ZFAND5: variants seen among roughly 807,000 people sequenced by gnomAD.
ZFAND5 encodes AN1-type zinc finger protein 5.
A neutral mutation model predicts 23.6 loss-of-function variants in ZFAND5; 4 were observed. The ratio of observed to expected loss-of-function variants is 0.17; its 90% confidence interval spans 0.08 to 0.39. The LOEUF is 0.39. Among genes scored for constraint, ZFAND5 ranks in the 10% least tolerant of loss-of-function variants. The probability of loss-of-function intolerance (pLI) is 1.00; values close to 1 mark genes in which losing one functional copy is unlikely to be tolerated. For missense variants in ZFAND5, 161 were observed against 253.7 expected, an observed-to-expected ratio of 0.63 and a Z score of 2.48; for synonymous variants, 68 against 80.6, an observed-to-expected ratio of 0.84 and a Z score of 0.84.
Position 72,356,945 on chromosome 9 carries a change from T to G in ZFAND5, c.479A>C (p.Lys160Thr). The part of the protein sequence containing the change: ...KKNRCFMCRK[K>T]VGLTGFDCRC... ...TTTTGTAATACCTGTAAGACCAACT[T>G]TCTTTCTGCACATGAAACATCTGTT... Residue 160 changes from lysine (K) to threonine (T), a missense_variant, in exon 6 of 7, where the codon AAA (lysine) becomes ACA (threonine). By Grantham distance (78) the Lys-to-Thr change is moderately conservative. Transcript: ENST00000376962. The G allele has an allele frequency of 6.2e-7, 1 of 1,612,592 alleles. No homozygotes were observed. Among genetic ancestry groups the G allele is most frequent in the Non-Finnish European group, 8.5e-7 (1 of 1,179,702 alleles).
At chr9:72,359,340 GA>G in intron 5 of ZFAND5, 77 bp downstream of exon 5, 1 of 1,420,144 alleles carries the variant, frequency 7.0e-7, no homozygotes, top group Non-Finnish European at 9.7e-7. Flanking sequence ...CCTTCAATGG[GA>G]AGGAAAGAAT....
chr9:72,360,869 G>A, intron 2 of ZFAND5, 82 bp from the exon 3 acceptor site: 1 of 1,271,854 alleles, frequency 7.9e-7, no homozygotes, highest in Non-Finnish European at 1.0e-6. Context: ...CGTTGTAATT[G>A]CTACGCAAGT....
chr9:72,362,173 T>C (rs1842124164), intron 2 of ZFAND5, among the ~76,000 whole-genome samples: 1 of 152,240 alleles, frequency 6.6e-6, no homozygotes, highest in African/African-American at 2.4e-5. Context: ...TTAATTTAGT[T>C]GACACTGTCT....
At chr9:72,363,961 A>C (rs75338919) in intron 1 of ZFAND5, 3,413 of 152,424 alleles carry the variant, frequency 0.022, 118 homozygotes, top group African/African-American at 0.077. Flanking sequence ...GCGAGCAAAA[A>C]ATTTCACATT....
Position 72,360,210 on chromosome 9 carries a change from C to G in ZFAND5, c.163G>C (p.Gly55Arg), listed in dbSNP as rs376006282. The G allele has an allele frequency of 1.2e-6, 2 of 1,610,422 alleles. No homozygotes were observed. Among genetic ancestry groups the G allele is most frequent in the East Asian group, 2.2e-5 (1 of 44,858 alleles). Reference protein sequence around the residue: ...GRMSPMGTASGSNSPTSDSAS... With the variant: ...GRMSPMGTASRSNSPTSDSAS... ...GAATCTGAGGTAGGACTGTTGGAAC[C>G]ACTAGCTGTTCCTATTTAAAAAAAG... The change falls in exon 4 of 7, where the codon GGT becomes CGT. Residue 55 changes from glycine (G) to arginine (R), a missense_variant. Transcript: ENST00000376962.
intron 4 of ZFAND5, 143 bp downstream of exon 4, chr9:72,359,967 A>G: frequency 3.2e-6 from 2 of 627,400 alleles, no homozygotes; most frequent in Non-Finnish European, 5.5e-6. Flanking sequence ...TCTTTACTCA[A>G]TGACTTAAGA....
intron 1 of ZFAND5, 102 bp downstream of exon 1, chr9:72,364,594 C>T (rs1311050141): frequency 1.6e-6 from 2 of 1,237,068 alleles, no homozygotes; most frequent in Non-Finnish European, 2.1e-6. Flanking sequence ...CCGCGGCCTG[C>T]TCCGGCTTCG....
intron 5 of ZFAND5, 93 bp downstream of exon 5, chr9:72,359,325 T>C (rs975779522): frequency 8.0e-7 from 1 of 1,250,116 alleles, no homozygotes; most frequent in South Asian, 1.4e-5. Flanking sequence ...TCCCTCCTCT[T>C]TGGTCCTTCA....
At chr9:72,363,098 T>C (rs917974283) in intron 2 of ZFAND5, among the ~76,000 whole-genome samples, 1 of 152,146 alleles carries the variant, frequency 6.6e-6, no homozygotes, top group African/African-American at 2.4e-5. Flanking sequence ...AGGTTGTTGA[T>C]AAAAAACTAA....
intron 5 of ZFAND5, 119 bp downstream of exon 5, chr9:72,359,299 C>G (rs1195710959): frequency 2.3e-6 from 2 of 873,880 alleles, no homozygotes; most frequent in South Asian, 3.5e-5. Context: ...TTTGCTTGGC[C>G]TATATTTTAT....
chr9:72,364,797 G>T lies in ZFAND5; in HGVS notation c.-248C>A. The T allele has an allele frequency of 4.6e-6, 1 of 217,480 alleles. No individual in the cohort carries two copies. Among genetic ancestry groups the T allele is most frequent in the South Asian group, 9.8e-5 (1 of 10,204 alleles). The allele number at this position is 217,480 out of a possible 1,614,324, so 13.5% of individuals were successfully genotyped here. ...AGGCTGAGCCGGGCGCCCTGGTGCCGCCGCCGCGGGCCGGGAGCGGGTCGG... is the reference window on the plus strand; with the variant it reads ...AGGCTGAGCCGGGCGCCCTGGTGCCTCCGCCGCGGGCCGGGAGCGGGTCGG... On this transcript the variant is annotated 5_prime_UTR_variant, in exon 1 of 7. Coordinates refer to ENST00000376962, the MANE Select transcript of ZFAND5 (RefSeq NM_001102420.3).
chr9:72,359,654 TA>T (rs917003668), intron 4 of ZFAND5, 133 bp from the exon 5 acceptor site: 464 of 823,806 alleles, frequency 5.6e-4, no homozygotes, highest in Middle Eastern at 1.1e-3. Flanking sequence ...ATCTAAAGTT[TA>T]AAAAAAAATT....
At chr9:72,364,513 G>C in intron 1 of ZFAND5, 183 bp downstream of exon 1, 2 of 1,280,398 alleles carry the variant, frequency 1.6e-6, no homozygotes, top group Non-Finnish European at 2.0e-6. Context: ...GGGCCACGAC[G>C]ACAGGATGAC....
Position 72,357,051 on chromosome 9 carries a change from T to A in ZFAND5, c.373A>T (p.Thr125Ser). 6.2e-7 allele frequency: 1 copy of A among 1,611,768 alleles called. No individual in the cohort carries two copies. Among genetic ancestry groups the A allele is most frequent in the Non-Finnish European group, 8.5e-7 (1 of 1,178,914 alleles). Residue 125 changes from threonine to serine, a missense_variant, in exon 6 of 7, where the codon ACT (threonine) becomes TCT (serine). This residue lies in a region of ZFAND5 where 116 missense variants were observed against 115.2 expected (regional missense o/e 1.01). Coordinates refer to ENST00000376962, the MANE Select transcript of ZFAND5 (RefSeq NM_001102420.3). ...PKTEVSEPVV[T>S]QPSPSVSQPS... is the part of the protein sequence containing the mutation. ...TGAGAAACTGATGGACTGGGCTGAG[T>A]GACAACTGAAAAGGACAAAAACACA... is the stretch of plus-strand genomic sequence containing the variant.
At position 72,355,999 on chromosome 9, in the gene ZFAND5, C is replaced by T. The variant is rs1841932356; in HGVS notation, c.596G>A (p.Arg199Lys). Residue 199 changes from arginine (R) to lysine (K), a missense_variant, in exon 7 of 7, where the codon AGA becomes AAA. By Grantham distance (26) the Arg-to-Lys change is conservative (BLOSUM62 2). Transcript: ENST00000376962. ...AGCCACAACAACTGGATTCTCTTTT[C>T]TGATTTTTGCTGCAGCTTCTGCTTT... ...DYKAEAAAKI[R>K]KENPVVVAEK... 6.2e-7 allele frequency: 1 copy of T among 1,612,838 alleles called. No individual in the cohort carries two copies.
At position 72,354,207 on chromosome 9, in the gene ZFAND5, A is replaced by G. The variant is rs2131968677; in HGVS notation, c.*1746T>C. 1 of 152,352 alleles carries G rather than the reference A, an allele frequency of 6.6e-6. No homozygotes were observed. The highest frequency in any genetic ancestry group is 1.9e-4 in the East Asian group (1 of 5,184). The allele number at this position is 152,352 out of a possible 1,614,324, so 9.4% of individuals were successfully genotyped here. A position where few individuals can be genotyped will look rare whatever the true frequency, so the allele number is the denominator to read the frequency against. ...AACATGGAGAAGCGAGGTAGGCCATAATTGTTCAAATTTCATCTTTCTCAA... is the reference window on the plus strand; with the variant it reads ...AACATGGAGAAGCGAGGTAGGCCATGATTGTTCAAATTTCATCTTTCTCAA... On this transcript the variant is annotated 3_prime_UTR_variant, in exon 7 of 7. Coordinates refer to ENST00000376962, the MANE Select transcript of ZFAND5 (RefSeq NM_001102420.3).
chr9:72,361,075 G>C (rs1438268950), intron 2 of ZFAND5, among the ~76,000 whole-genome samples: 2 of 152,048 alleles, frequency 1.3e-5, no homozygotes, highest in East Asian at 3.8e-4. Context: ...TAGCTCTCAG[G>C]GTTATGTTTT....
At position 72,352,456 on chromosome 9, in the gene ZFAND5, A is replaced by G. The variant is rs1023535700; in HGVS notation, c.*3497T>C. 4.6e-5 allele frequency: 7 copies of G among 152,364 alleles called. No homozygotes were observed. The highest frequency in any genetic ancestry group is 1.7e-4 in the African/African-American group (7 of 41,592). 9.4% of individuals were successfully genotyped at this position (152,364 alleles called of 1,614,324 possible). A position where few individuals can be genotyped will look rare whatever the true frequency, so the allele number is the denominator to read the frequency against. ...GTGCCTTTGAAATGGAGGATATGGG[A>G]CAGCTTGAGAGGCTTTGCTTCTCAG... On this transcript the variant is annotated 3_prime_UTR_variant, in exon 7 of 7. Coordinates refer to ENST00000376962, the MANE Select transcript of ZFAND5 (RefSeq NM_001102420.3).
At chr9:72,356,695 C>A (rs1351064839) in intron 6 of ZFAND5, among the ~76,000 whole-genome samples, 1 of 152,084 alleles carries the variant, frequency 6.6e-6, no homozygotes, top group Non-Finnish European at 1.5e-5. Flanking sequence ...AACTTTTTAT[C>A]AATCTAATAA....
Sources: gnomAD v4.1 joint callset for allele counts (sites outside exome capture counted in the v4.1 genomes callset) on GRCh38, gnomAD v4.1.1 for gene constraint, gnomAD v4.1.1 regional missense constraint, MANE v1.5 for transcripts, NCBI Gene and HGNC (gene_info 2026-07-23, HGNC 2026-07-21) for gene names.